Variants in KCND2 observed in about 807,000 individuals in gnomAD.
The protein encoded by KCND2 is A-type voltage-gated potassium channel KCND2.
In KCND2, 16 loss-of-function variants were observed where a neutral mutation model predicts 54.4. The ratio of observed to expected loss-of-function variants is 0.29; its 90% CI spans 0.20 to 0.45. KCND2 has a LOEUF of 0.45. Ranked by LOEUF, KCND2 falls within the 20% of genes least tolerant of loss-of-function variation. The pLI, the probability that KCND2 is intolerant of heterozygous loss-of-function variation, is 1.00. For missense variants in KCND2, 486 were observed against 824.2 expected, an observed-to-expected ratio of 0.59 and a Z score of 5.02; for synonymous variants, 317 against 310.7, an observed-to-expected ratio of 1.02 and a Z score of -0.21.
chr7:120,683,937 A>T (rs886848618), intron 1 of KCND2, among the ~76,000 whole-genome samples: 2 of 152,280 alleles, frequency 1.3e-5, no homozygotes, highest in South Asian at 4.1e-4. Context: ...AGATGGTTCC[A>T]TTGCTGCTGG....
chr7:120,705,957 G>A lies in KCND2; in HGVS notation c.1116-26946G>A, dbSNP rs547641092. Among the ~76,000 whole-genome samples the A allele has an allele frequency of 7.9e-5, 12 of 151,982 alleles. No individual in the cohort carries two copies. The East Asian group carries it at 1.2e-3, about 15-fold the overall frequency. On this transcript the variant is annotated intron_variant, in intron 1 of 5. Coordinates refer to ENST00000331113, the MANE Select transcript of KCND2 (RefSeq NM_012281.3). ...CTGAACTCCTTTCTGTCTCTCTTCT[G>A]CCCACAGAGGGTCCTTTATTGACTA...
chr7:120,414,148 A>G (rs1284885360), intron 1 of KCND2, among the ~76,000 whole-genome samples: 1 of 152,072 alleles, frequency 6.6e-6, no homozygotes, highest in Non-Finnish European at 1.5e-5. Context: ...CATTTTGAGA[A>G]TGGTATAAGT....
At chr7:120,741,741 C>A in intron 3 of KCND2, 112 bp downstream of exon 3, 1 of 784,516 alleles carries the variant, frequency 1.3e-6, no homozygotes, top group Non-Finnish European at 2.2e-6. Flanking sequence ...GCTATCCAAA[C>A]AACAAAAGTG....
At chr7:120,610,118 A>G (rs761216862) in intron 1 of KCND2, among the ~76,000 whole-genome samples, 8 of 152,260 alleles carry the variant, frequency 5.3e-5, no homozygotes, top group Non-Finnish European at 1.0e-4. Flanking sequence ...CAAATACTCA[A>G]TGGCATGCGT....
intron 1 of KCND2, among the ~76,000 whole-genome samples, chr7:120,590,406 G>GC (rs1792655999): frequency 6.6e-6 from 1 of 152,062 alleles, no homozygotes; most frequent in Non-Finnish European, 1.5e-5. Flanking sequence ...GAAATTGCAT[G>GC]CCCCAAATCC....
intron 1 of KCND2, among the ~76,000 whole-genome samples, chr7:120,477,313 T>A (rs778911415): frequency 1.2e-4 from 19 of 152,130 alleles, no homozygotes; most frequent in Non-Finnish European, 2.2e-4. Context: ...CAAATGTAGC[T>A]TCCTCAGTCG....
At chr7:120,312,249 G>A (rs1799745628) in intron 1 of KCND2, among the ~76,000 whole-genome samples, 1 of 152,006 alleles carries the variant, frequency 6.6e-6, no homozygotes, top group Non-Finnish European at 1.5e-5. Context: ...ATTCCATGGT[G>A]TATATGCACC....
At chr7:120,403,630 AT>A (rs1365035696) in intron 1 of KCND2, among the ~76,000 whole-genome samples, 151 of 146,716 alleles carry the variant, frequency 1.0e-3, no homozygotes, top group East Asian at 2.8e-3. Context: ...ATGCCAGGTG[AT>A]TTTTTTTTTT....
At chr7:120,476,537 A>G (rs1476847311) in intron 1 of KCND2, among the ~76,000 whole-genome samples, 1 of 152,198 alleles carries the variant, frequency 6.6e-6, no homozygotes. Context: ...TAGTCATTTC[A>G]TATTATGAGC....
chr7:120,638,030 G>A (rs1185816499), intron 1 of KCND2, among the ~76,000 whole-genome samples: 1 of 152,038 alleles, frequency 6.6e-6, no homozygotes, highest in Non-Finnish European at 1.5e-5. Flanking sequence ...TTAAAATTGT[G>A]GTCTTAGATT....
intron 1 of KCND2, among the ~76,000 whole-genome samples, chr7:120,297,745 C>T (rs909917347): frequency 1.3e-5 from 2 of 152,108 alleles, no homozygotes; most frequent in Admixed American, 6.6e-5. Context: ...TGTGATTTCT[C>T]ATGAATTTTC....
At chr7:120,687,922 C>T (rs987617998) in intron 1 of KCND2, among the ~76,000 whole-genome samples, 1 of 152,082 alleles carries the variant, frequency 6.6e-6, no homozygotes, top group African/African-American at 2.4e-5. Flanking sequence ...TTTAATTGTA[C>T]TCTTGATTGC....
intron 1 of KCND2, among the ~76,000 whole-genome samples, chr7:120,349,321 C>A (rs1288105176): frequency 2.1e-5 from 2 of 93,188 alleles, no homozygotes; most frequent in Non-Finnish European, 4.6e-5. Context: ...CACACACACA[C>A]ACACAAACAC....
At chr7:120,517,658 C>A (rs2116341678) in intron 1 of KCND2, among the ~76,000 whole-genome samples, 1 of 152,240 alleles carries the variant, frequency 6.6e-6, no homozygotes, top group African/African-American at 2.4e-5. Context: ...AACTGCTTAG[C>A]ACATTACTTC....
rs68066248 is a variant in KCND2 at position 120,613,084 on chromosome 7, A to AT, written c.1116-119803dup. On this transcript the variant is annotated intron_variant, in intron 1 of 5. Transcript: ENST00000331113. ...AGTAGCAAACTGGATGTTTAGCCTA[A>AT]TTTTTTTTTTTTTTTTCTGGTATGA... Among the ~76,000 whole-genome samples, 89 of 144,730 alleles carry AT rather than the reference A, an allele frequency of 6.1e-4. No homozygotes were observed. The East Asian group carries it at 0.013, about 21-fold the overall frequency. 94.9% of individuals were successfully genotyped at this position (144,730 alleles called of 152,430 possible).
chr7:120,449,379 A>G (rs1802069733), intron 1 of KCND2, among the ~76,000 whole-genome samples: 1 of 152,132 alleles, frequency 6.6e-6, no homozygotes, highest in South Asian at 2.1e-4. Context: ...ATCTTCAGAT[A>G]ACCCCATACT....
chr7:120,656,922 C>G (rs1314198889), intron 1 of KCND2, among the ~76,000 whole-genome samples: 3 of 152,176 alleles, frequency 2.0e-5, no homozygotes, highest in Non-Finnish European at 4.4e-5. Flanking sequence ...AGCTATTTCT[C>G]TTTCCAAGGG....
At chr7:120,615,248 G>A (rs1793009136) in intron 1 of KCND2, among the ~76,000 whole-genome samples, 1 of 152,116 alleles carries the variant, frequency 6.6e-6, no homozygotes, top group Non-Finnish European at 1.5e-5. Context: ...ATAGTTACCA[G>A]AATGATCAGT....
chr7:120,507,820 C>T (rs948149811), intron 1 of KCND2, among the ~76,000 whole-genome samples: 11 of 151,752 alleles, frequency 7.2e-5, no homozygotes, highest in Non-Finnish European at 1.0e-4. Context: ...GATAATTAAA[C>T]AACCCATTAA....
Sources: allele counts gnomAD v4.1 joint callset (sites outside exome capture counted in the v4.1 genomes callset), GRCh38; gene constraint gnomAD v4.1.1; transcripts MANE v1.5; gene names NCBI Gene and HGNC (gene_info 2026-07-23, HGNC 2026-07-21).